The following SMCHD1 variants were observed in gnomAD, a reference collection of about 807,000 sequenced individuals.
SMCHD1 encodes the protein structural maintenance of chromosomes flexible hinge domain containing 1.
Under a neutral mutation model 254.7 loss-of-function variants are expected in SMCHD1, and 78 were observed. That is an observed-to-expected ratio of 0.31 (90% CI 0.26 to 0.37). The LOEUF (loss-of-function observed/expected upper bound fraction) is 0.37, where lower values mean the gene tolerates loss of function less well. SMCHD1 is among the 10% of genes least tolerant of loss of function. The pLI, the probability that SMCHD1 is intolerant of heterozygous loss-of-function variation, is 1.00. For synonymous variants in SMCHD1, 766 were observed against 794.9 expected, an observed-to-expected ratio of 0.96 and a Z score of 0.61; for missense variants, 1,840 against 2,408.1, an observed-to-expected ratio of 0.76 and a Z score of 4.94.
intron 44 of SMCHD1, among the ~76,000 whole-genome samples, chr18:2,780,566 A>T (rs1165040854): frequency 6.6e-6 from 1 of 152,146 alleles, no homozygotes; most frequent in East Asian, 1.9e-4. Context: ...GAACTAACTA[A>T]TAGGATGGTA....
rs146560217 is a variant in SMCHD1, at chr18:2,783,734, A to T, written c.5548-716A>T. ...ATTACAGGCACGTGCCACCATGCCC[A>T]GCTAATTTTTGTGTTTTTAGTAGAG... is the stretch of plus-strand genomic sequence containing the variant. On this transcript the variant is annotated intron_variant, in intron 44 of 47. Coordinates refer to ENST00000320876, the MANE Select transcript of SMCHD1 (RefSeq NM_015295.3). Among the ~76,000 whole-genome samples the T allele has an allele frequency of 1.4e-3, 216 of 152,084 alleles. 1 individual carries two copies. Among genetic ancestry groups the T allele is most frequent in the African/African-American group, 5.0e-3 (206 of 41,494 alleles).
intron 45 of SMCHD1, among the ~76,000 whole-genome samples, chr18:2,793,078 T>A (rs760540313): frequency 3.3e-5 from 5 of 152,194 alleles, no homozygotes; most frequent in Non-Finnish European, 7.3e-5. Flanking sequence ...TTTCTTCGAA[T>A]TATGTGGAGC....
chr18:2,734,058 A>C (rs2075199024), intron 25 of SMCHD1, among the ~76,000 whole-genome samples: 1 of 152,312 alleles, frequency 6.6e-6, no homozygotes, highest in African/African-American at 2.4e-5. Flanking sequence ...CAAAAGGATT[A>C]TTTAGCCACG....
At chr18:2,696,035 T>C (rs1367668534) in intron 8 of SMCHD1, among the ~76,000 whole-genome samples, 1 of 152,210 alleles carries the variant, frequency 6.6e-6, no homozygotes, top group African/African-American at 2.4e-5. Flanking sequence ...TGAAGAAATA[T>C]TGCAAATTTC....
intron 41 of SMCHD1, among the ~76,000 whole-genome samples, chr18:2,775,320 T>C (rs1003660923): frequency 3.0e-5 from 3 of 100,560 alleles, no homozygotes; most frequent in Admixed American, 1.0e-4. Context: ...ACTGTATTTA[T>C]GTTTAACTGC....
chr18:2,656,980 G>T (rs1240457900), intron 1 of SMCHD1, among the ~76,000 whole-genome samples: 1 of 152,216 alleles, frequency 6.6e-6, no homozygotes, highest in African/African-American at 2.4e-5. Context: ...GAAAATGAAC[G>T]TGGAGGGAAA....
At chr18:2,793,249 C>T (rs1348976583) in intron 45 of SMCHD1, among the ~76,000 whole-genome samples, 5 of 152,186 alleles carry the variant, frequency 3.3e-5, no homozygotes, top group African/African-American at 1.2e-4. Context: ...ATATACTTTC[C>T]ATCCTTTTGT....
At chr18:2,766,272 C>T (rs1003440685) in intron 37 of SMCHD1, among the ~76,000 whole-genome samples, 1 of 152,220 alleles carries the variant, frequency 6.6e-6, no homozygotes, top group Non-Finnish European at 1.5e-5. Flanking sequence ...GGATTACAGG[C>T]GTGAGCCGCC....
At chr18:2,790,025 TA>T (rs1282392071) in intron 45 of SMCHD1, among the ~76,000 whole-genome samples, 1 of 151,596 alleles carries the variant, frequency 6.6e-6, no homozygotes, top group South Asian at 2.1e-4. Flanking sequence ...CTACTAAAAA[TA>T]AAAAAAGTTA....
chr18:2,677,241 A>G (rs1203030880), intron 5 of SMCHD1, among the ~76,000 whole-genome samples: 2 of 152,292 alleles, frequency 1.3e-5, no homozygotes, highest in East Asian at 1.9e-4. Flanking sequence ...TACTCCTTAT[A>G]TATCTGTCCC....
chr18:2,719,891 T>C (rs1444351669), intron 19 of SMCHD1, among the ~76,000 whole-genome samples: 2 of 152,168 alleles, frequency 1.3e-5, no homozygotes, highest in East Asian at 3.9e-4. Flanking sequence ...GTGAGGCTGG[T>C]CTTGAACTTC....
intron 17 of SMCHD1, among the ~76,000 whole-genome samples, chr18:2,708,894 A>C (rs1412165281): frequency 1.3e-5 from 1 of 76,936 alleles, no homozygotes; most frequent in Non-Finnish European, 2.3e-5. Context: ...ATATATATAT[A>C]TATATATATA....
intron 45 of SMCHD1, among the ~76,000 whole-genome samples, chr18:2,793,675 A>AAAAAAAAAAAAAAAAAAAAAAAAAAAAT (rs2076211033): frequency 6.7e-6 from 1 of 149,756 alleles, no homozygotes; most frequent in Non-Finnish European, 1.5e-5. Flanking sequence ...AAAAAAAGAA[A>AAAAAAAAAAAAAAAAAAAAAAAAAAAAT]GAAAACATTG....
intron 20 of SMCHD1, among the ~76,000 whole-genome samples, chr18:2,724,198 A>C (rs879647907): frequency 3.3e-5 from 5 of 149,968 alleles, no homozygotes; most frequent in Non-Finnish European, 7.4e-5. Context: ...AATACCTGTA[A>C]ACACTTAAAT....
intron 3 of SMCHD1, among the ~76,000 whole-genome samples, 191 bp downstream of exon 3, chr18:2,667,222 A>T (rs1462213095): frequency 6.6e-6 from 1 of 151,916 alleles, no homozygotes; most frequent in East Asian, 1.9e-4. Context: ...GTGAAAAAAA[A>T]CTCTCCTTTA....
At position 2,796,213 on chromosome 18, in the gene SMCHD1, C is replaced by T; in HGVS notation, c.5878+106C>T. ...AAAAAAGAATGCAAATGATTCAGAACTTAACAAAAACTCTTAACCTCCAAG... is the reference window on the plus strand; with the variant it reads ...AAAAAAGAATGCAAATGATTCAGAATTTAACAAAAACTCTTAACCTCCAAG... On this transcript the variant is annotated intron_variant, in intron 46 of 47. Coordinates refer to ENST00000320876, the MANE Select transcript of SMCHD1 (RefSeq NM_015295.3). The T allele has an allele frequency of 4.4e-6, 5 of 1,134,668 alleles. No homozygotes were observed. In the South Asian group the frequency reaches 6.8e-5, roughly 15 times the overall value. 70.3% of individuals were successfully genotyped at this position (1,134,668 alleles called of 1,614,324 possible).
At chr18:2,656,293 G>A in intron 1 of SMCHD1, 32 bp downstream of exon 1, 1 of 1,446,448 alleles carries the variant, frequency 6.9e-7, no homozygotes, top group South Asian at 1.5e-5. Context: ...GGATGCGCGT[G>A]TAGACTTGGG....
chr18:2,694,785 G>A (rs1181893881), intron 8 of SMCHD1, 92 bp downstream of exon 8: 12 of 1,095,852 alleles, frequency 1.1e-5, no homozygotes, highest in Admixed American at 4.9e-5. Flanking sequence ...TTTGGTATCC[G>A]TTTTGCTCCT....
Position 2,772,240 on chromosome 18 carries a change from T to TA in SMCHD1, c.5053-7dup. On this transcript the variant is annotated splice_polypyrimidine_tract_variant and intron_variant, in intron 40 of 47. Coordinates refer to ENST00000320876, the MANE Select transcript of SMCHD1 (RefSeq NM_015295.3). ...TGGTCTTGTAGTTAATTTTTCTTTATAAATTATAGGTGCCACACATTGAAG... is the reference window on the plus strand; with the variant it reads ...TGGTCTTGTAGTTAATTTTTCTTTATAAAATTATAGGTGCCACACATTGAAG... 6.4e-7 allele frequency: 1 copy of TA among 1,553,960 alleles called. No homozygotes were observed. The highest frequency in any genetic ancestry group is 8.6e-7 in the Non-Finnish European group (1 of 1,157,474).
Sources: gnomAD v4.1 joint callset for allele counts (sites outside exome capture counted in the v4.1 genomes callset) on GRCh38, gnomAD v4.1.1 for gene constraint, MANE v1.5 for transcripts, NCBI Gene and HGNC (gene_info 2026-07-23, HGNC 2026-07-21) for gene names.